CHCHD3: variants seen among roughly 807,000 people sequenced by gnomAD.
CHCHD3 encodes coiled-coil-helix-coiled-coil-helix domain containing 3.
Under a neutral mutation model 38.2 loss-of-function variants are expected in CHCHD3, and 20 were observed. The ratio of observed to expected loss-of-function variants is 0.52; its 90% confidence interval spans 0.37 to 0.76. CHCHD3 has a LOEUF of 0.76. Among genes scored for constraint, CHCHD3 ranks in the 30% least tolerant of loss-of-function variants. The pLI is 0.00. For missense variants in CHCHD3, 245 were observed against 279.2 expected (o/e 0.88, Z 0.87); for synonymous variants, 82 against 100.0 (o/e 0.82, Z 1.07).
At chr7:132,964,094 A>G (rs917867823) in intron 4 of CHCHD3, among the ~76,000 whole-genome samples, 1 of 152,240 alleles carries the variant, frequency 6.6e-6, no homozygotes, top group African/African-American at 2.4e-5. Context: ...TGAAAATACA[A>G]AAGTGACTGA....
chr7:133,031,184 A>G (rs1371303990), intron 2 of CHCHD3, among the ~76,000 whole-genome samples: 2 of 152,172 alleles, frequency 1.3e-5, no homozygotes, highest in Non-Finnish European at 2.9e-5. Context: ...AAAGTGTAAC[A>G]TAAGTTCAAT....
intron 4 of CHCHD3, among the ~76,000 whole-genome samples, chr7:132,970,936 T>C (rs553558356): frequency 1.1e-3 from 164 of 152,228 alleles, no homozygotes; most frequent in African/African-American, 3.8e-3. Flanking sequence ...CTGTCTCTAC[T>C]TAAATTTTTA....
intron 3 of CHCHD3, among the ~76,000 whole-genome samples, chr7:132,978,002 C>A (rs1291194132): frequency 6.6e-6 from 1 of 152,132 alleles, no homozygotes; most frequent in African/African-American, 2.4e-5. Flanking sequence ...AATCAAGGCT[C>A]TAAACTTCCT....
chr7:132,954,817 G>A (rs12533584), intron 4 of CHCHD3, among the ~76,000 whole-genome samples: 35,529 of 152,004 alleles, frequency 0.23, 5,086 homozygotes, highest in East Asian at 0.36. Flanking sequence ...ACCTCTAGAC[G>A]TCCATACAGC....
chr7:132,833,568 T>TC, intron 6 of CHCHD3, among the ~76,000 whole-genome samples: 1 of 152,338 alleles, frequency 6.6e-6, no homozygotes, highest in African/African-American at 2.4e-5. Flanking sequence ...AACTCTGAGT[T>TC]CCACACTAGT....
At chr7:132,983,215 G>A (rs1211410481) in intron 3 of CHCHD3, among the ~76,000 whole-genome samples, 4 of 152,006 alleles carry the variant, frequency 2.6e-5, no homozygotes, top group East Asian at 1.9e-4. Context: ...CCAGCTACTC[G>A]GGAGGCTGAG....
chr7:132,830,249 C>T (rs1433107523), intron 6 of CHCHD3, among the ~76,000 whole-genome samples: 1 of 152,180 alleles, frequency 6.6e-6, no homozygotes, highest in East Asian at 1.9e-4. Flanking sequence ...CAAAGCCAGT[C>T]TCACTTTCCT....
Position 132,795,473 on chromosome 7 carries a change from A to G in CHCHD3, c.660+969T>C, listed in dbSNP as rs1283663035. ...CTTTTGAGGACAACATAGGCTTTTA[A>G]TAAATCTTGATTATATTCTTTCCAC... On this transcript the variant is annotated intron_variant, in intron 7 of 7. Transcript: ENST00000262570. Among the ~76,000 whole-genome samples the G allele has an allele frequency of 3.3e-5, 5 of 152,340 alleles. No individual in the cohort carries two copies. In the East Asian group the frequency reaches 9.6e-4, roughly 29 times the overall value.
intron 4 of CHCHD3, among the ~76,000 whole-genome samples, chr7:132,915,928 G>T (rs964750944): frequency 1.3e-4 from 19 of 148,700 alleles, no homozygotes; most frequent in Admixed American, 1.0e-3. Flanking sequence ...GGTGAGTTTG[G>T]TTTTTTTTTA....
At chr7:132,794,936 G>A (rs934015251) in intron 7 of CHCHD3, among the ~76,000 whole-genome samples, 10 of 152,352 alleles carry the variant, frequency 6.6e-5, no homozygotes, top group African/African-American at 2.4e-4. Context: ...ATCGCGCCAT[G>A]TGGCGTATTT....
At chr7:132,921,104 A>G (rs752086988) in intron 4 of CHCHD3, among the ~76,000 whole-genome samples, 7 of 152,244 alleles carry the variant, frequency 4.6e-5, no homozygotes, top group Non-Finnish European at 1.0e-4. Flanking sequence ...CCCATGGAAT[A>G]TCATTAAGTA....
intron 6 of CHCHD3, among the ~76,000 whole-genome samples, chr7:132,837,420 T>C (rs1807813788): frequency 6.6e-6 from 1 of 152,184 alleles, no homozygotes; most frequent in Non-Finnish European, 1.5e-5. Flanking sequence ...CCTTGGAAGG[T>C]CTCTCTCTGC....
intron 3 of CHCHD3, among the ~76,000 whole-genome samples, chr7:133,005,240 T>C (rs1391095766): frequency 6.6e-6 from 1 of 152,168 alleles, no homozygotes; most frequent in Non-Finnish European, 1.5e-5. Flanking sequence ...CTAAAATCTC[T>C]TCCATCTCTA....
intron 4 of CHCHD3, among the ~76,000 whole-genome samples, chr7:132,913,591 A>G (rs538021923): frequency 2.2e-4 from 34 of 152,308 alleles, no homozygotes; most frequent in Middle Eastern, 6.8e-3. Flanking sequence ...GCCAAGAAAA[A>G]TCTCACCAAA....
At chr7:132,943,503 C>A (rs1390560455) in intron 4 of CHCHD3, among the ~76,000 whole-genome samples, 1 of 152,090 alleles carries the variant, frequency 6.6e-6, no homozygotes, top group East Asian at 1.9e-4. Context: ...AAAGCTACTA[C>A]TGGCAAAACT....
intron 6 of CHCHD3, among the ~76,000 whole-genome samples, chr7:132,804,574 A>C (rs985137367): frequency 6.6e-6 from 1 of 152,230 alleles, no homozygotes; most frequent in East Asian, 1.9e-4. Context: ...TACCAAGAGA[A>C]GTCAAGAACA....
intron 1 of CHCHD3, among the ~76,000 whole-genome samples, chr7:133,073,308 T>C (rs1814881045): frequency 6.6e-6 from 1 of 152,074 alleles, no homozygotes; most frequent in Admixed American, 6.5e-5. Flanking sequence ...TCTCATTCTA[T>C]GTGCCCTTGT....
At chr7:133,044,994 T>C (rs1476684661) in intron 2 of CHCHD3, among the ~76,000 whole-genome samples, 2 of 152,246 alleles carry the variant, frequency 1.3e-5, no homozygotes, top group Non-Finnish European at 2.9e-5. Context: ...GCAACCCTGC[T>C]GAGCGGTAAA....
At chr7:132,805,591 T>A (rs13246875) in intron 6 of CHCHD3, among the ~76,000 whole-genome samples, 60,139 of 151,884 alleles carry the variant, frequency 0.4, 12,205 homozygotes, top group Middle Eastern at 0.52. Context: ...CCTGCAGGTG[T>A]TGACAAGCCA....
Sources: gnomAD v4.1 joint callset for allele counts (sites outside exome capture counted in the v4.1 genomes callset) on GRCh38, gnomAD v4.1.1 for gene constraint, MANE v1.5 for transcripts, NCBI Gene and HGNC (gene_info 2026-07-23, HGNC 2026-07-21) for gene names.